TAFA1: variants seen among roughly 807,000 people sequenced by gnomAD.
TAFA1 encodes chemokine-like protein TAFA-1.
TAFA1 carries 4 observed loss-of-function variants against 18.5 expected under a neutral mutation model. The ratio of observed to expected loss-of-function variants is 0.22; its 90% CI spans 0.11 to 0.49. The LOEUF is 0.49. Among genes scored for constraint, TAFA1 ranks in the 20% least tolerant of loss-of-function variants. The pLI is 0.98. For missense variants in TAFA1, 147 were observed against 169.0 expected, an observed-to-expected ratio of 0.87 and a Z score of 0.72; for synonymous variants, 56 against 55.2, an observed-to-expected ratio of 1.01 and a Z score of -0.06.
Position 68,544,754 on chromosome 3 carries a change from A to G in TAFA1, c.*251A>G. 1 of 357,884 alleles carries G rather than the reference A, an allele frequency of 2.8e-6. No individual in the cohort carries two copies. Among genetic ancestry groups the G allele is most frequent in the South Asian group, 5.0e-5 (1 of 19,862 alleles). 22.2% of individuals were successfully genotyped at this position (357,884 alleles called of 1,614,324 possible). A position where few individuals can be genotyped will look rare whatever the true frequency, so the allele number is the denominator to read the frequency against. The stretch of plus-strand genomic sequence containing the variant: ...GTGAAATTTTTGGGCATCATGAAGA[A>G]CGATCAACTATCTTCTAATTTGAAT... On this transcript the variant is annotated 3_prime_UTR_variant, in exon 5 of 5. Transcript: ENST00000478136.
At chr3:68,134,017 C>G (rs1359359523) in intron 2 of TAFA1, among the ~76,000 whole-genome samples, 1 of 148,864 alleles carries the variant, frequency 6.7e-6, no homozygotes, top group African/African-American at 2.5e-5. Flanking sequence ...TGGACTGGAC[C>G]TCAGAGTAGA....
At chr3:68,526,777 A>G in intron 3 of TAFA1, among the ~76,000 whole-genome samples, 1 of 152,120 alleles carries the variant, frequency 6.6e-6, no homozygotes, top group East Asian at 1.9e-4. Flanking sequence ...GCCTCTGCCA[A>G]ATGGAATCAT....
intron 2 of TAFA1, among the ~76,000 whole-genome samples, chr3:68,130,950 T>G (rs2065528784): frequency 6.6e-6 from 1 of 152,196 alleles, no homozygotes; most frequent in African/African-American, 2.4e-5. Flanking sequence ...CATTCATTGG[T>G]GGGTGTGTCT....
chr3:68,441,240 G>A (rs1262834459), intron 3 of TAFA1, among the ~76,000 whole-genome samples: 2 of 152,172 alleles, frequency 1.3e-5, no homozygotes, highest in African/African-American at 4.8e-5. Flanking sequence ...AGAAGGCTCT[G>A]CAACAGGTGC....
chr3:68,187,779 A>G (rs1011560831), intron 2 of TAFA1, among the ~76,000 whole-genome samples: 2 of 152,022 alleles, frequency 1.3e-5, no homozygotes, highest in African/African-American at 4.8e-5. Context: ...CTTATCCCAG[A>G]AGCAATGTAT....
intron 2 of TAFA1, among the ~76,000 whole-genome samples, chr3:68,415,894 TA>T (rs2070826388): frequency 6.6e-6 from 1 of 152,142 alleles, no homozygotes; most frequent in Non-Finnish European, 1.5e-5. Flanking sequence ...GAAACATAAT[TA>T]GTCTACTCAA....
At chr3:68,349,261 T>C (rs1028579793) in intron 2 of TAFA1, among the ~76,000 whole-genome samples, 2 of 151,990 alleles carry the variant, frequency 1.3e-5, no homozygotes, top group Non-Finnish European at 2.9e-5. Context: ...CAAAGTTATC[T>C]GCACCTACTT....
intron 2 of TAFA1, among the ~76,000 whole-genome samples, chr3:68,103,453 T>C (rs1391564343): frequency 6.6e-6 from 1 of 152,198 alleles, no homozygotes; most frequent in Non-Finnish European, 1.5e-5. Context: ...TGTTAAAATA[T>C]GAATAATTAT....
chr3:68,067,618 G>A (rs1356543623), intron 2 of TAFA1, among the ~76,000 whole-genome samples: 1 of 152,122 alleles, frequency 6.6e-6, no homozygotes, highest in African/African-American at 2.4e-5. Flanking sequence ...TTTTTACTGT[G>A]TTGTTATTGC....
At chr3:68,283,288 G>A (rs760068946) in intron 2 of TAFA1, among the ~76,000 whole-genome samples, 4 of 152,116 alleles carry the variant, frequency 2.6e-5, no homozygotes, top group Non-Finnish European at 4.4e-5. Context: ...TATGACTGGA[G>A]ATTCAGTCTT....
At chr3:68,298,682 G>C (rs1178044803) in intron 2 of TAFA1, among the ~76,000 whole-genome samples, 1 of 152,160 alleles carries the variant, frequency 6.6e-6, no homozygotes, top group African/African-American at 2.4e-5. Context: ...TTTTATAAGT[G>C]TTAGGTAGTT....
chr3:68,246,706 A>C (rs1048287072), intron 2 of TAFA1: 1 of 151,930 alleles, frequency 6.6e-6, no homozygotes, highest in African/African-American at 2.4e-5. Flanking sequence ...TCCAAATGAC[A>C]AAGCACTATC....
At chr3:68,049,110 A>G (rs892855856) in intron 2 of TAFA1, among the ~76,000 whole-genome samples, 5 of 152,154 alleles carry the variant, frequency 3.3e-5, no homozygotes, top group African/African-American at 1.2e-4. Flanking sequence ...TTCTAGGGGG[A>G]TACCAATCAT....
At chr3:68,339,414 T>A (rs1032000375) in intron 2 of TAFA1, among the ~76,000 whole-genome samples, 7 of 152,330 alleles carry the variant, frequency 4.6e-5, no homozygotes, top group African/African-American at 1.7e-4. Flanking sequence ...TTATAAATGA[T>A]TATGGCAATA....
At chr3:68,247,071 T>C (rs2067095518) in intron 2 of TAFA1, among the ~76,000 whole-genome samples, 1 of 150,242 alleles carries the variant, frequency 6.7e-6, no homozygotes. Flanking sequence ...TAAACATCGA[T>C]GTATTATTAT....
chr3:68,221,618 G>C (rs1575688516), intron 2 of TAFA1, among the ~76,000 whole-genome samples: 1 of 151,878 alleles, frequency 6.6e-6, no homozygotes, highest in East Asian at 1.9e-4. Flanking sequence ...GAACAACTGG[G>C]GTAAAATTTC....
At chr3:68,138,805 A>C (rs561776102) in intron 2 of TAFA1, among the ~76,000 whole-genome samples, 19 of 152,276 alleles carry the variant, frequency 1.2e-4, no homozygotes, top group African/African-American at 3.6e-4. Context: ...GCTGTTTGCT[A>C]CTCTTGATAG....
chr3:68,262,584 C>G (rs967254914), intron 2 of TAFA1, among the ~76,000 whole-genome samples: 2 of 151,958 alleles, frequency 1.3e-5, no homozygotes, highest in African/African-American at 4.8e-5. Context: ...GCCTCCAGCT[C>G]CATCATGTTG....
intron 2 of TAFA1, among the ~76,000 whole-genome samples, chr3:68,390,017 C>T (rs1247057486): frequency 6.6e-6 from 1 of 152,076 alleles, no homozygotes; most frequent in Non-Finnish European, 1.5e-5. Flanking sequence ...CGTTCACTCC[C>T]CTGGAAAGGG....
Sources: gnomAD v4.1 joint callset for allele counts (sites outside exome capture counted in the v4.1 genomes callset) on GRCh38, gnomAD v4.1.1 for gene constraint, MANE v1.5 for transcripts, NCBI Gene and HGNC (gene_info 2026-07-23, HGNC 2026-07-21) for gene names.